The following DCTN4 variants were observed in gnomAD, a reference collection of about 807,000 sequenced individuals.
The protein encoded by DCTN4 is dynactin subunit 4, also known as dynactin 4 (p62).
DCTN4 carries 23 observed loss-of-function variants against 62.7 expected under a neutral mutation model. That is an observed-to-expected ratio of 0.37 (90% CI 0.26 to 0.52). DCTN4 has a LOEUF of 0.52. Ranked by LOEUF, DCTN4 falls within the 20% of genes least tolerant of loss-of-function variation. The pLI is 0.92. For missense variants in DCTN4, 514 were observed against 580.4 expected, an observed-to-expected ratio of 0.89 and a Z score of 1.18; for synonymous variants, 199 against 202.1, an observed-to-expected ratio of 0.98 and a Z score of 0.13.
rs779438252 is a variant in DCTN4 at position 150,753,470 on chromosome 5, C to T, written c.385+9G>A. On this transcript the variant is annotated intron_variant, in intron 3 of 12. Transcript: ENST00000447998. ...TACAAAATTTCATATTGAAGTCCAT[C>T]TCACTCACCTACAGATTTGTCTGCC... 6.2e-6 allele frequency: 10 copies of T among 1,610,590 alleles called. No homozygotes were observed. The highest frequency in any genetic ancestry group is 4.4e-5 in the South Asian group (4 of 90,866).
rs187193062 is a variant in DCTN4 at position 150,731,138 on chromosome 5, A to G, written c.630T>C (p.Asp210=). ...CTGGCTCAATCTTTATCTCTTTCTG[A>G]TCCTCTCCTTCTTTAAGGCTGAAAA... The part of the protein sequence containing the change: ...LAGLSLKEGE[D]QKEIKIEPAQ... The change falls in exon 7 of 13, where the codon GAT becomes GAC. Residue 210 remains aspartate (D), a synonymous_variant. Coordinates refer to ENST00000447998, the MANE Select transcript of DCTN4 (RefSeq NM_016221.4). 7.1e-5 allele frequency: 114 copies of G among 1,610,644 alleles called. No individual in the cohort carries two copies. Among genetic ancestry groups the G allele is most frequent in the East Asian group, 6.9e-4 (31 of 44,856 alleles).
chr5:150,723,193 T>C (rs1760017756), intron 8 of DCTN4, among the ~76,000 whole-genome samples: 1 of 152,220 alleles, frequency 6.6e-6, no homozygotes, highest in Non-Finnish European at 1.5e-5. Flanking sequence ...TCCAATATTA[T>C]TATACCTCTG....
At chr5:150,712,988 T>A (rs1426637697) in intron 12 of DCTN4, among the ~76,000 whole-genome samples, 1 of 152,216 alleles carries the variant, frequency 6.6e-6, no homozygotes, top group East Asian at 1.9e-4. Context: ...AAATCTGATA[T>A]CTCAGACAAT....
intron 3 of DCTN4, among the ~76,000 whole-genome samples, chr5:150,749,747 C>A (rs1382749491): frequency 6.6e-6 from 1 of 152,120 alleles, no homozygotes; most frequent in Non-Finnish European, 1.5e-5. Context: ...CTCTTTGGCA[C>A]TTAAGAAAAA....
intron 3 of DCTN4, among the ~76,000 whole-genome samples, chr5:150,745,989 T>C (rs1320488847): frequency 4.6e-5 from 7 of 150,738 alleles, no homozygotes; most frequent in Non-Finnish European, 8.9e-5. Flanking sequence ...TTCAAAAAAT[T>C]AATGAATCCA....
At chr5:150,718,650 A>C (rs1469244037) in intron 10 of DCTN4, among the ~76,000 whole-genome samples, 1 of 152,090 alleles carries the variant, frequency 6.6e-6, no homozygotes, top group Admixed American at 6.5e-5. Context: ...AATTCTGAGG[A>C]ATGTTCATTA....
intron 4 of DCTN4, chr5:150,734,473 A>G (rs979241537): frequency 1.3e-5 from 2 of 152,212 alleles, no homozygotes; most frequent in African/African-American, 4.8e-5. Flanking sequence ...AGAGCCCTGT[A>G]GGCACTCCCG....
chr5:150,721,293 T>G (rs1759948340), intron 9 of DCTN4, among the ~76,000 whole-genome samples: 1 of 152,244 alleles, frequency 6.6e-6, no homozygotes, highest in Admixed American at 6.5e-5. Flanking sequence ...GTTAATCAGT[T>G]TGACACTGAT....
chr5:150,739,818 A>G (rs1184629367), intron 4 of DCTN4, among the ~76,000 whole-genome samples: 2 of 152,190 alleles, frequency 1.3e-5, no homozygotes, highest in Non-Finnish European at 2.9e-5. Flanking sequence ...ACAAAAACAT[A>G]AACTGGGGAA....
Position 150,710,241 on chromosome 5 carries a change from G to A in DCTN4, c.*908C>T, listed in dbSNP as rs1440704339. 1.3e-5 allele frequency: 2 copies of A among 152,310 alleles called. No homozygotes were observed. The highest frequency in any genetic ancestry group is 2.9e-5 in the Non-Finnish European group (2 of 68,030). 9.4% of individuals were successfully genotyped at this position (152,310 alleles called of 1,614,324 possible). On this transcript the variant is annotated 3_prime_UTR_variant, in exon 13 of 13. Coordinates refer to ENST00000447998, the MANE Select transcript of DCTN4 (RefSeq NM_016221.4). ...TTTTCTGCATTCCAGAAATGAACCTGTCCACTCAGGTTTTCTTTGGGTTCT... is the reference window on the plus strand; with the variant it reads ...TTTTCTGCATTCCAGAAATGAACCTATCCACTCAGGTTTTCTTTGGGTTCT...
chr5:150,721,077 T>G (rs74915142), intron 9 of DCTN4, among the ~76,000 whole-genome samples: 3,036 of 152,286 alleles, frequency 0.02, 93 homozygotes, highest in African/African-American at 0.067. Context: ...CCAAGAGGAA[T>G]ACATTATTCC....
At chr5:150,756,096 C>T (rs1468505550) in intron 2 of DCTN4, among the ~76,000 whole-genome samples, 4 of 144,456 alleles carry the variant, frequency 2.8e-5, no homozygotes, top group African/African-American at 1.0e-4. Flanking sequence ...GGCTGGAGTG[C>T]AGTGGCACAA....
intron 4 of DCTN4, among the ~76,000 whole-genome samples, chr5:150,734,761 G>C (rs1274514563): frequency 6.6e-6 from 1 of 152,228 alleles, no homozygotes; most frequent in East Asian, 1.9e-4. Flanking sequence ...TGTAGCCTGG[G>C]CCAAAATCTT....
At chr5:150,723,026 C>T (rs1454437729) in intron 8 of DCTN4, 46 bp from the exon 9 acceptor site, 1 of 1,368,456 alleles carries the variant, frequency 7.3e-7, no homozygotes, top group East Asian at 2.3e-5. Flanking sequence ...CAACAACACA[C>T]TTTGTTGATC....
intron 3 of DCTN4, among the ~76,000 whole-genome samples, chr5:150,745,533 A>G (rs1257820079): frequency 6.6e-6 from 1 of 152,190 alleles, no homozygotes; most frequent in African/African-American, 2.4e-5. Flanking sequence ...CTGACCACAT[A>G]GTTGGAAGTA....
Position 150,710,923 on chromosome 5 carries a change from T to A in DCTN4, c.*226A>T. On this transcript the variant is annotated 3_prime_UTR_variant, in exon 13 of 13. Transcript: ENST00000447998. The stretch of plus-strand genomic sequence containing the variant: ...CTGTTACTCAACGTGCAGGGTTCAG[T>A]GAGGGAGACACAGACTTACTGGTGT... 1 of 551,090 alleles carries A rather than the reference T, an allele frequency of 1.8e-6. No homozygotes were observed. Among genetic ancestry groups the A allele is most frequent in the Non-Finnish European group, 3.2e-6 (1 of 308,394 alleles). The allele number at this position is 551,090 out of a possible 1,614,324, so 34.1% of individuals were successfully genotyped here.
intron 8 of DCTN4, among the ~76,000 whole-genome samples, chr5:150,724,776 T>G (rs1760077836): frequency 6.6e-6 from 1 of 152,190 alleles, no homozygotes; most frequent in East Asian, 1.9e-4. Context: ...GACACACTTT[T>G]TTTTGTTTAT....
At chr5:150,739,180 CAA>C (rs564417540) in intron 4 of DCTN4, among the ~76,000 whole-genome samples, 7 of 75,170 alleles carry the variant, frequency 9.3e-5, no homozygotes, top group Admixed American at 3.0e-4. Flanking sequence ...GATTTCATCT[CAA>C]AAAAAAAAAA....
At chr5:150,750,215 TTATA>T (rs968996060) in intron 3 of DCTN4, among the ~76,000 whole-genome samples, 3 of 152,300 alleles carry the variant, frequency 2.0e-5, no homozygotes, top group African/African-American at 4.8e-5. Context: ...GTAAGCTTTA[TTATA>T]TATAAATTAT....
Sources: allele counts gnomAD v4.1 joint callset (sites outside exome capture counted in the v4.1 genomes callset), GRCh38; gene constraint gnomAD v4.1.1; transcripts MANE v1.5; gene names NCBI Gene and HGNC (gene_info 2026-07-23, HGNC 2026-07-21).